The following STARD13 variants were observed in gnomAD, a reference collection of about 807,000 sequenced individuals.
The protein encoded by STARD13 is stAR-related lipid transfer protein 13.
In STARD13, 62 loss-of-function variants were observed where a neutral mutation model predicts 106.4. The ratio of observed to expected loss-of-function variants is 0.58; its 90% CI spans 0.48 to 0.72. STARD13 has a LOEUF of 0.72. STARD13 is among the 30% of genes least tolerant of loss of function. STARD13 has a pLI of 0.00. For missense variants in STARD13, 1,387 were observed against 1,424.0 expected (o/e 0.97, Z 0.42); for synonymous variants, 565 against 553.0 (o/e 1.02, Z -0.31).
the STARD13 span, among the ~76,000 whole-genome samples, chr13:33,410,561 A>G: frequency 6.6e-6 from 1 of 152,210 alleles, no homozygotes; most frequent in Non-Finnish European, 1.5e-5. Context: ...ACCCACCCAG[A>G]GTGCCTGACC....
At chr13:33,322,246 G>T (rs1414600081) in intron 1 of STARD13, among the ~76,000 whole-genome samples, 9 of 152,144 alleles carry the variant, frequency 5.9e-5, no homozygotes. Flanking sequence ...CAACAAGAAT[G>T]GCTTGGATGT....
At chr13:33,412,281 A>T in the STARD13 span, among the ~76,000 whole-genome samples, 1 of 152,216 alleles carries the variant, frequency 6.6e-6, no homozygotes, top group African/African-American at 2.4e-5. Flanking sequence ...CTGCAATGTC[A>T]TAGAAATATG....
the STARD13 span, among the ~76,000 whole-genome samples, chr13:33,596,131 A>G: frequency 1.3e-5 from 2 of 152,176 alleles, no homozygotes; most frequent in African/African-American, 2.4e-5. Context: ...TATTGTCATT[A>G]AGGATTGCTT....
At chr13:33,228,331 C>T (rs181942589) in intron 1 of STARD13, among the ~76,000 whole-genome samples, 4 of 152,242 alleles carry the variant, frequency 2.6e-5, no homozygotes, top group African/African-American at 9.6e-5. Context: ...TGAGAAGAAA[C>T]ATTCATACTG....
chr13:33,215,413 C>A (rs1486203325), intron 1 of STARD13, among the ~76,000 whole-genome samples: 1 of 152,210 alleles, frequency 6.6e-6, no homozygotes, highest in Admixed American at 6.5e-5. Context: ...CAAACAGCAT[C>A]CCCTCATAAC....
the STARD13 span, among the ~76,000 whole-genome samples, chr13:33,499,548 T>A: frequency 5.5e-5 from 3 of 54,684 alleles, no homozygotes; most frequent in Admixed American, 6.2e-4. Context: ...TTCTTCTTCT[T>A]CTTCTTCTTC....
At chr13:33,347,631 T>G (rs565465984), downstream of STARD13, among the ~76,000 whole-genome samples, 1 of 152,310 alleles carries the variant, frequency 6.6e-6, no homozygotes, top group African/African-American at 2.4e-5. Flanking sequence ...AGTATAGTAA[T>G]ATGCTCTAGA....
intron 1 of STARD13, among the ~76,000 whole-genome samples, chr13:33,261,497 A>G (rs868735678): frequency 6.6e-6 from 1 of 152,212 alleles, no homozygotes; most frequent in South Asian, 2.1e-4. Flanking sequence ...TCACGGAAAC[A>G]TAAACCAAAT....
the STARD13 span, among the ~76,000 whole-genome samples, chr13:33,452,528 C>A: frequency 6.6e-6 from 1 of 152,160 alleles, no homozygotes; most frequent in Non-Finnish European, 1.5e-5. Flanking sequence ...ATTAATATTT[C>A]TCCTTCTCTA....
intron 1 of STARD13, among the ~76,000 whole-genome samples, chr13:33,176,765 C>T (rs1884561546): frequency 6.6e-6 from 1 of 152,088 alleles, no homozygotes; most frequent in South Asian, 2.1e-4. Flanking sequence ...TATCATGCTA[C>T]AATCTAAACA....
the STARD13 span, among the ~76,000 whole-genome samples, chr13:33,405,586 C>T: frequency 3.9e-5 from 6 of 152,254 alleles, no homozygotes; most frequent in Admixed American, 6.5e-5. Flanking sequence ...TGCAGATAGA[C>T]TGACTCAGGT....
the STARD13 span, among the ~76,000 whole-genome samples, chr13:33,458,477 A>G: frequency 2.0e-5 from 3 of 152,104 alleles, no homozygotes. Flanking sequence ...ATCTTTTATA[A>G]TCTGGTTTCT....
exon 1 of STARD13, chr13:33,350,556 G>C: frequency 7.1e-7 from 1 of 1,408,594 alleles, no homozygotes; most frequent in South Asian, 1.5e-5. Context: ...GACATGGGTC[G>C]GTCCGGCGCT....
At chr13:33,470,530 ACT>A in the STARD13 span, among the ~76,000 whole-genome samples, 1 of 152,084 alleles carries the variant, frequency 6.6e-6, no homozygotes, top group East Asian at 1.9e-4. Context: ...ACTAATTTAC[ACT>A]CTCACCAACA....
chr13:33,127,878 TGTATGTGAGAGA>T (rs1877463645), intron 5 of STARD13, among the ~76,000 whole-genome samples: 1 of 84,126 alleles, frequency 1.2e-5, no homozygotes, highest in Admixed American at 1.3e-4. Flanking sequence ...TGTGTGTGTG[TGTATGTGAGAGA>T]GAGAGAGAGA....
the STARD13 span, among the ~76,000 whole-genome samples, chr13:33,532,027 C>T: frequency 6.6e-6 from 1 of 152,084 alleles, no homozygotes; most frequent in East Asian, 1.9e-4. Context: ...ACTATTTTCT[C>T]TTCCTCTTAG....
chr13:33,355,996 G>T, the STARD13 span, among the ~76,000 whole-genome samples: 1 of 152,342 alleles, frequency 6.6e-6, no homozygotes, highest in East Asian at 1.9e-4. Flanking sequence ...ATATTTTCCT[G>T]ATGTAGACTG....
At chr13:33,459,758 A>AT in the STARD13 span, among the ~76,000 whole-genome samples, 3 of 152,074 alleles carry the variant, frequency 2.0e-5, no homozygotes, top group African/African-American at 7.2e-5. Context: ...CTGGTGCTAA[A>AT]TTTTTTATTA....
the STARD13 span, among the ~76,000 whole-genome samples, chr13:33,564,047 C>T: frequency 5.5e-5 from 8 of 144,762 alleles, 1 homozygote; most frequent in South Asian, 6.6e-4. Flanking sequence ...AAAAATTAGC[C>T]GGGTGTGGTG....
Sources: gnomAD v4.1 joint callset for allele counts (sites outside exome capture counted in the v4.1 genomes callset) on GRCh38, gnomAD v4.1.1 for gene constraint, MANE v1.5 for transcripts, NCBI Gene and HGNC (gene_info 2026-07-23, HGNC 2026-07-21) for gene names.